Variants in NCKAP5 observed in about 807,000 individuals in gnomAD.
The protein encoded by NCKAP5 is nck-associated protein 5.
NCKAP5 carries 92 observed loss-of-function variants against 167.0 expected under a neutral mutation model. The observed-to-expected ratio is 0.55, with a 90% CI of 0.47 to 0.66. The LOEUF (loss-of-function observed/expected upper bound fraction) is 0.66, where lower values mean the gene tolerates loss of function less well. Ranked by LOEUF, NCKAP5 falls within the 30% of genes least tolerant of loss-of-function variation. The pLI is 0.00. For synonymous variants in NCKAP5, 891 were observed against 877.4 expected (o/e 1.02, Z -0.27); for missense variants, 2,378 against 2,315.0 (o/e 1.03, Z -0.56).
the NCKAP5 span, among the ~76,000 whole-genome samples, chr2:133,654,000 T>C: frequency 1.3e-5 from 2 of 152,078 alleles, no homozygotes; most frequent in Non-Finnish European, 2.9e-5. Flanking sequence ...GAAATATTGG[T>C]GGGGTAAGGT....
intron 6 of NCKAP5, among the ~76,000 whole-genome samples, chr2:133,020,727 A>C (rs1337999740): frequency 6.6e-6 from 1 of 152,224 alleles, no homozygotes; most frequent in Non-Finnish European, 1.5e-5. Flanking sequence ...GCAATAACGC[A>C]CAAGACACAG....
intron 2 of NCKAP5, among the ~76,000 whole-genome samples, chr2:133,521,720 C>T (rs1469050042): frequency 6.6e-6 from 1 of 152,190 alleles, no homozygotes; most frequent in East Asian, 1.9e-4. Context: ...CACTTATGAC[C>T]TAATTTAACC....
chr2:133,510,149 C>T (rs1468582065), intron 3 of NCKAP5, among the ~76,000 whole-genome samples: 1 of 152,120 alleles, frequency 6.6e-6, no homozygotes. Context: ...CCTCTACTCA[C>T]CTCCATCAGT....
intron 16 of NCKAP5, among the ~76,000 whole-genome samples, chr2:132,767,816 C>T (rs1278160561): frequency 6.6e-6 from 1 of 152,232 alleles, no homozygotes; most frequent in Non-Finnish European, 1.5e-5. Flanking sequence ...GACAGGAGAG[C>T]CCCCTCCGGG....
chr2:133,244,749 T>C (rs1559310623), intron 4 of NCKAP5, among the ~76,000 whole-genome samples: 1 of 152,164 alleles, frequency 6.6e-6, no homozygotes, highest in Admixed American at 6.5e-5. Flanking sequence ...TATGGGTCAG[T>C]TGGACACCCA....
intron 2 of NCKAP5, among the ~76,000 whole-genome samples, chr2:133,519,632 T>C (rs1022455514): frequency 2.0e-5 from 3 of 152,214 alleles, no homozygotes; most frequent in African/African-American, 7.2e-5. Context: ...CATGGGAGTT[T>C]GATAGCTCAT....
the NCKAP5 span, among the ~76,000 whole-genome samples, chr2:133,645,404 C>T: frequency 6.6e-6 from 1 of 152,048 alleles, no homozygotes; most frequent in African/African-American, 2.4e-5. Context: ...TGTAGCATAC[C>T]TACTATATAC....
rs1213898053 is a variant in NCKAP5 at position 133,568,426 on chromosome 2, G to C, written c.-340C>G. On this transcript the variant is annotated 5_prime_UTR_variant, in exon 1 of 20. Transcript: ENST00000409261. ...GCCGTGAATGCGGAGCAAGTTTGCG[G>C]AGACTTGCTCCCTGGGCTGCGGCTC... 1.3e-5 allele frequency: 2 copies of C among 152,208 alleles called. No homozygotes were observed. Among genetic ancestry groups the C allele is most frequent in the East Asian group, 3.8e-4 (2 of 5,196 alleles). The allele number at this position is 152,208 out of a possible 1,614,324, so 9.4% of individuals were successfully genotyped here.
chr2:133,615,586 A>C, the NCKAP5 span, among the ~76,000 whole-genome samples: 1 of 152,240 alleles, frequency 6.6e-6, no homozygotes, highest in African/African-American at 2.4e-5. Context: ...AGAGCAATTC[A>C]ACAAGAAGAG....
chr2:133,192,415 G>T (rs553873877), intron 5 of NCKAP5, among the ~76,000 whole-genome samples: 2 of 151,946 alleles, frequency 1.3e-5, no homozygotes, highest in African/African-American at 2.4e-5. Context: ...GGGCATCATC[G>T]AAATGAAAAC....
At chr2:133,616,057 T>G in the NCKAP5 span, among the ~76,000 whole-genome samples, 6 of 150,870 alleles carry the variant, frequency 4.0e-5, no homozygotes, top group Non-Finnish European at 8.8e-5. Context: ...GACTACTGGG[T>G]ACATAACGAA....
intron 11 of NCKAP5, among the ~76,000 whole-genome samples, chr2:132,808,234 C>T (rs780398074): frequency 6.6e-6 from 1 of 151,858 alleles, no homozygotes; most frequent in African/African-American, 2.4e-5. Flanking sequence ...TTGGTTGTAT[C>T]CTTTCCTGGT....
chr2:133,603,908 G>A, the NCKAP5 span, among the ~76,000 whole-genome samples: 2,309 of 152,344 alleles, frequency 0.015, 38 homozygotes, highest in Non-Finnish European at 0.021. Context: ...CCAGGCAGCA[G>A]CTGTTTACTG....
At chr2:132,795,558 T>G (rs4953991) in intron 12 of NCKAP5, among the ~76,000 whole-genome samples, 1 of 151,900 alleles carries the variant, frequency 6.6e-6, no homozygotes, top group African/African-American at 2.4e-5. Context: ...CAGTGGCTCA[T>G]GCCTGTAATC....
At chr2:133,352,807 G>A (rs1450427016) in intron 3 of NCKAP5, among the ~76,000 whole-genome samples, 3 of 152,184 alleles carry the variant, frequency 2.0e-5, no homozygotes, top group Non-Finnish European at 4.4e-5. Context: ...ACTGGCCTGA[G>A]GGCTAACATG....
intron 4 of NCKAP5, among the ~76,000 whole-genome samples, chr2:133,225,779 CTTTTTTTTTTT>C (rs1003972708): frequency 1.8e-4 from 7 of 39,724 alleles, no homozygotes; most frequent in East Asian, 7.2e-4. Context: ...ATGCCCTGTT[CTTTTTTTTTTT>C]TTTTTTTTTT....
chr2:133,133,654 T>A (rs1167283453), intron 5 of NCKAP5, among the ~76,000 whole-genome samples: 1 of 152,234 alleles, frequency 6.6e-6, no homozygotes, highest in African/African-American at 2.4e-5. Flanking sequence ...AACTCTGTTA[T>A]TCGTTAGCTG....
the NCKAP5 span, among the ~76,000 whole-genome samples, chr2:133,663,137 G>T: frequency 1.3e-5 from 2 of 152,048 alleles, no homozygotes; most frequent in Non-Finnish European, 2.9e-5. Flanking sequence ...GCGGTGGCGG[G>T]CGCCTGTAGT....
intron 8 of NCKAP5, among the ~76,000 whole-genome samples, chr2:132,942,079 C>T (rs1697341376): frequency 1.3e-5 from 2 of 152,144 alleles, no homozygotes; most frequent in Non-Finnish European, 2.9e-5. Context: ...TATGTTCATT[C>T]ACATTTGACA....
Sources: gnomAD v4.1 joint callset for allele counts (sites outside exome capture counted in the v4.1 genomes callset) on GRCh38, gnomAD v4.1.1 for gene constraint, MANE v1.5 for transcripts, NCBI Gene and HGNC (gene_info 2026-07-23, HGNC 2026-07-21) for gene names.